CDK5RAP2: variants seen among roughly 807,000 people sequenced by gnomAD.
CDK5RAP2 encodes CDK5 regulatory subunit-associated protein 2.
In CDK5RAP2, 147 loss-of-function variants were observed where a neutral mutation model predicts 232.9. The observed-to-expected ratio is 0.63, with a 90% CI of 0.55 to 0.72. The LOEUF (loss-of-function observed/expected upper bound fraction) is 0.72. Among genes scored for constraint, CDK5RAP2 ranks in the 30% least tolerant of loss-of-function variants. The pLI is 0.00. For synonymous variants in CDK5RAP2, 833 were observed against 833.7 expected, an observed-to-expected ratio of 1.00 and a Z score of 0.01; for missense variants, 2,195 against 2,231.5, an observed-to-expected ratio of 0.98 and a Z score of 0.33.
chr9:120,510,885 C>G (rs1415527705), intron 12 of CDK5RAP2, among the ~76,000 whole-genome samples: 1 of 152,120 alleles, frequency 6.6e-6, no homozygotes, highest in Non-Finnish European at 1.5e-5. Context: ...ATAAGACTAC[C>G]AAAGTAAAAA....
At chr9:120,517,886 C>A in intron 12 of CDK5RAP2, 2 of 349,592 alleles carry the variant, frequency 5.7e-6, no homozygotes, top group Non-Finnish European at 1.2e-5. Flanking sequence ...AGAGTGAGAC[C>A]CTGTCTCAAA....
intron 28 of CDK5RAP2, among the ~76,000 whole-genome samples, chr9:120,412,080 C>G (rs190040212): frequency 1.2e-4 from 19 of 152,284 alleles, no homozygotes; most frequent in Admixed American, 6.5e-4. Flanking sequence ...CCTTGCCTCC[C>G]GGCTGTTCTG....
At chr9:120,406,969 C>T (rs1051026254) in intron 32 of CDK5RAP2, 43 bp downstream of exon 32, 32 of 1,410,452 alleles carry the variant, frequency 2.3e-5, no homozygotes, top group Non-Finnish European at 3.1e-5. Context: ...CACAGATGCT[C>T]AGAGCTGCAT....
At chr9:120,424,242 T>C (rs577760172) in intron 25 of CDK5RAP2, among the ~76,000 whole-genome samples, 1 of 152,360 alleles carries the variant, frequency 6.6e-6, no homozygotes, top group Admixed American at 6.5e-5. Context: ...CAGATGGAGA[T>C]ATCCTTATAG....
Position 120,453,689 on chromosome 9 carries a change from C to A in CDK5RAP2, c.2560G>T (p.Glu854Ter). Residue 854 changes from glutamate to a stop codon, truncating the protein, a stop_gained, in exon 21 of 38, where the codon GAG (glutamate) becomes TAG (stop). Transcript: ENST00000349780. LOFTEE classifies it high-confidence loss of function. ...TCGCCTGCCTTTACTAGCTGGGCCT[C>A]ACAAGACAACTTCAGTTCATCATGT... Reference protein sequence around the residue: ...KPHDELKLSCEAQLVKAGEVP... With the variant: ...KPHDELKLSC The A allele has an allele frequency of 6.2e-7, 1 of 1,614,196 alleles. No individual in the cohort carries two copies. Among genetic ancestry groups the A allele is most frequent in the Non-Finnish European group, 8.5e-7 (1 of 1,180,032 alleles).
At chr9:120,549,487 T>C (rs888930999) in intron 4 of CDK5RAP2, among the ~76,000 whole-genome samples, 2 of 152,174 alleles carry the variant, frequency 1.3e-5, no homozygotes, top group African/African-American at 2.4e-5. Context: ...TGAAGTGGTA[T>C]AGTACAATGA....
chr9:120,573,438 A>C (rs1416898013), intron 1 of CDK5RAP2, among the ~76,000 whole-genome samples: 1 of 152,020 alleles, frequency 6.6e-6, no homozygotes, highest in African/African-American at 2.4e-5. Context: ...AGTCCTAGCT[A>C]CTTGAGAGGC....
At chr9:120,453,954 C>G (rs1387729531) in intron 20 of CDK5RAP2, 81 bp from the exon 21 acceptor site, 10 of 1,393,440 alleles carry the variant, frequency 7.2e-6, no homozygotes, top group Non-Finnish European at 9.2e-6. Flanking sequence ...CCAAGTTATC[C>G]CCACCTACTG....
chr9:120,557,751 C>G (rs922213753), intron 3 of CDK5RAP2, among the ~76,000 whole-genome samples: 8 of 147,614 alleles, frequency 5.4e-5, no homozygotes, highest in African/African-American at 1.8e-4. Flanking sequence ...AGAGTGAGAC[C>G]CTCTGTCAAA....
chr9:120,390,481 G>C (rs1188009672), intron 36 of CDK5RAP2, among the ~76,000 whole-genome samples: 1 of 152,224 alleles, frequency 6.6e-6, no homozygotes, highest in Non-Finnish European at 1.5e-5. Context: ...CCGGAGCACT[G>C]TACTAGAAAG....
chr9:120,441,059 T>A (rs1488234996), intron 23 of CDK5RAP2, among the ~76,000 whole-genome samples: 1 of 152,228 alleles, frequency 6.6e-6, no homozygotes, highest in Non-Finnish European at 1.5e-5. Flanking sequence ...CCACACAGCC[T>A]GAGGCAAGTG....
chr9:120,460,828 C>A, intron 18 of CDK5RAP2, 161 bp from the exon 19 acceptor site: 2 of 1,289,396 alleles, frequency 1.6e-6, no homozygotes, highest in Non-Finnish European at 2.1e-6. Flanking sequence ...AAAAATTAAC[C>A]AAGGTTAGAG....
intron 3 of CDK5RAP2, among the ~76,000 whole-genome samples, chr9:120,563,017 C>T (rs780325835): frequency 3.3e-5 from 5 of 152,116 alleles, no homozygotes; most frequent in African/African-American, 4.8e-5. Context: ...TAAGCAAGTA[C>T]ACTAATAAAG....
chr9:120,401,634 G>T lies in CDK5RAP2; in HGVS notation c.5308-749C>A, dbSNP rs969036614. Among the ~76,000 whole-genome samples the T allele has an allele frequency of 2.6e-4, 24 of 92,726 alleles. 1 individual carries two copies. The highest frequency in any genetic ancestry group is 8.3e-4 in the African/African-American group (22 of 26,370). The allele number at this position is 92,726 out of a possible 152,430, so 60.8% of individuals were successfully genotyped here. On this transcript the variant is annotated intron_variant, in intron 34 of 37. Transcript: ENST00000349780. ...TCAAAAAAAAAAAAAAAAAAAAAAAGAGAGAAAAAAGACACATCCTTTTTA... is the reference window on the plus strand; with the variant it reads ...TCAAAAAAAAAAAAAAAAAAAAAAATAGAGAAAAAAGACACATCCTTTTTA...
chr9:120,533,799 A>AC (rs2041266526), intron 7 of CDK5RAP2, among the ~76,000 whole-genome samples: 1 of 118,644 alleles, frequency 8.4e-6, no homozygotes, highest in African/African-American at 3.5e-5. Flanking sequence ...ACTCCATCTA[A>AC]AAAAAAAAAA....
chr9:120,560,255 C>T (rs1361009122), intron 3 of CDK5RAP2, among the ~76,000 whole-genome samples: 1 of 152,184 alleles, frequency 6.6e-6, no homozygotes. Context: ...AAAGTCAATT[C>T]CCTCACAGGG....
intron 12 of CDK5RAP2, among the ~76,000 whole-genome samples, chr9:120,498,333 C>T (rs1417545613): frequency 6.6e-6 from 1 of 152,140 alleles, no homozygotes; most frequent in Non-Finnish European, 1.5e-5. Flanking sequence ...TCTGATCACC[C>T]CAACATAAGA....
chr9:120,396,611 A>T (rs992946925), intron 35 of CDK5RAP2, among the ~76,000 whole-genome samples: 14 of 152,066 alleles, frequency 9.2e-5, no homozygotes, highest in Admixed American at 2.0e-4. Flanking sequence ...GGCACACTGG[A>T]GTGACTGGTC....
At chr9:120,542,421 CT>C (rs1474832979) in intron 5 of CDK5RAP2, among the ~76,000 whole-genome samples, 2 of 151,210 alleles carry the variant, frequency 1.3e-5, no homozygotes, top group African/African-American at 2.4e-5. Flanking sequence ...AGAAGAATCA[CT>C]TGAACCCGGG....
Sources: gnomAD v4.1 joint callset for allele counts (sites outside exome capture counted in the v4.1 genomes callset) on GRCh38, gnomAD v4.1.1 for gene constraint, MANE v1.5 for transcripts, NCBI Gene and HGNC (gene_info 2026-07-23, HGNC 2026-07-21) for gene names.